The following TERT variants were observed in gnomAD, a reference collection of about 807,000 sequenced individuals.
TERT encodes telomerase catalytic subunit.
In TERT, 42 loss-of-function variants were observed where a neutral mutation model predicts 104.0. The observed-to-expected ratio is 0.40, with a 90% confidence interval of 0.32 to 0.52. The LOEUF is 0.52. Ranked by LOEUF, TERT falls within the 20% of genes least tolerant of loss-of-function variation. The pLI is 0.43. For missense variants in TERT, 1,101 were observed against 1,610.3 expected, an observed-to-expected ratio of 0.68 and a Z score of 5.41; for synonymous variants, 781 against 725.6, an observed-to-expected ratio of 1.08 and a Z score of -1.23.
rs1159166262 is a variant in TERT, at chr5:1,292,718, G to A, written c.1573+595C>T. Among the ~76,000 whole-genome samples the A allele has an allele frequency of 6.6e-6, 1 of 152,130 alleles. No individual in the cohort carries two copies. The highest frequency in any genetic ancestry group is 2.4e-5 in the African/African-American group (1 of 41,432). ...AGTACAGATAGGGTTTCACCATGTT[G>A]GTCAGGCTGGTCTCAAACTCCTGAC... On this transcript the variant is annotated intron_variant, in intron 2 of 15. Transcript: ENST00000310581. The surrounding 1 kb of genome is among the most constrained non-coding windows in gnomAD (Gnocchi z 5.5).
intron 7 of TERT, among the ~76,000 whole-genome samples, 200 bp from the exon 8 acceptor site, chr5:1,271,404 C>T (rs1293907191): frequency 6.6e-6 from 1 of 152,230 alleles, no homozygotes; most frequent in Non-Finnish European, 1.5e-5. Context: ...GTGTGTGACA[C>T]AGAATGTCTC....
intron 7 of TERT, 104 bp downstream of exon 7, chr5:1,272,081 G>T: frequency 1.0e-6 from 1 of 993,334 alleles, no homozygotes; most frequent in Non-Finnish European, 1.6e-6. Flanking sequence ...TCCCCCCACT[G>T]CCCCCCAGGG....
rs996408914 is a variant in TERT at position 1,268,488 on chromosome 5, C to T, written c.2582+32G>A. ...TGCATCAAAAGCAAATCAACCCCCA[C>T]CCAAGCCCCCCTGGGGAAGAGGAGG... On this transcript the variant is annotated intron_variant, in intron 9 of 15. Transcript: ENST00000310581. The surrounding 1 kb of genome is among the most constrained non-coding windows in gnomAD (Gnocchi z 5.5). 1 of 1,574,848 alleles carries T rather than the reference C, an allele frequency of 6.3e-7. No individual in the cohort carries two copies. Among genetic ancestry groups the T allele is most frequent in the African/African-American group, 1.3e-5 (1 of 74,180 alleles).
Position 1,272,193 on chromosome 5 carries a change from T to C in TERT, c.2374A>G (p.Ile792Val), listed in dbSNP as rs1289861532. 2 of 1,611,598 alleles carry C rather than the reference T, an allele frequency of 1.2e-6. No homozygotes were observed. Among genetic ancestry groups the C allele is most frequent in the Admixed American group, 3.3e-5 (2 of 59,908 alleles). ...CAGGGCAGTGCCCAGACCTGCTCGA[T>C]GACGACGGCATCCCTCAGCGGGCTG... ...ETSPLRDAVVIEQSSSLNEAS... is the reference protein window; with the variant it reads ...ETSPLRDAVVVEQSSSLNEAS... The change falls in exon 7 of 16, where the codon ATC becomes GTC. Residue 792 changes from isoleucine (I) to valine (V), a missense_variant. Physicochemically the swap from Ile to Val is conservative, Grantham distance 29 (BLOSUM62 3). Transcript: ENST00000310581.
At position 1,286,452 on chromosome 5, in the gene TERT, T is replaced by C. The variant is rs1750494169; in HGVS notation, c.1574-3828A>G. On this transcript the variant is annotated intron_variant, in intron 2 of 15. Coordinates refer to ENST00000310581, the MANE Select transcript of TERT (RefSeq NM_198253.3). The surrounding 1 kb of genome is among the most constrained non-coding windows in gnomAD (Gnocchi z 5.3). ...ATTAATAATGCTTAGCTTGTGGGGG[T>C]GTCAAGATGCCTGAGATAGAACTAA... Among the ~76,000 whole-genome samples, 1 of 151,908 alleles carries C rather than the reference T, an allele frequency of 6.6e-6. No homozygotes were observed. The highest frequency in any genetic ancestry group is 6.6e-5 in the Admixed American group (1 of 15,238).
At chr5:1,279,137 A>G (rs1162531423) in intron 5 of TERT, among the ~76,000 whole-genome samples, 154 bp downstream of exon 5, 1 of 152,128 alleles carries the variant, frequency 6.6e-6, no homozygotes, top group East Asian at 1.9e-4. Flanking sequence ...GAAGGCCTCC[A>G]CCCTAGGTGC....
At chr5:1,289,335 C>T (rs866307680) in intron 2 of TERT, among the ~76,000 whole-genome samples, 2 of 145,508 alleles carry the variant, frequency 1.4e-5, no homozygotes, top group South Asian at 2.2e-4. Flanking sequence ...CACCCGGGGA[C>T]AGTGCCTCAC....
chr5:1,291,118 C>A (rs372094041), intron 2 of TERT, among the ~76,000 whole-genome samples: 2 of 139,066 alleles, frequency 1.4e-5, no homozygotes, highest in East Asian at 2.2e-4. Context: ...ACTCACCCTG[C>A]ACGTGACAGG....
chr5:1,256,847 T>C lies in TERT; in HGVS notation c.3033-1436A>G, dbSNP rs1386163843. ...TCCAAAGGGAGAAATAGCCACCTGC[T>C]AGAGGTCGGGGCGTCCACCCCAAGC... On this transcript the variant is annotated intron_variant, in intron 13 of 15. Transcript: ENST00000310581. This position sits in a 1 kb window ranked among gnomAD's most constrained non-coding sequence, Gnocchi z 7.0. Among the ~76,000 whole-genome samples, 1 of 152,176 alleles carries C rather than the reference T, an allele frequency of 6.6e-6. No individual in the cohort carries two copies. Among genetic ancestry groups the C allele is most frequent in the Non-Finnish European group, 1.5e-5 (1 of 68,030 alleles).
rs770887619 is a variant in TERT at position 1,253,779 on chromosome 5, C to T, written c.3348G>A (p.Glu1116=). Residue 1116 remains glutamate, a synonymous_variant, in exon 16 of 16, where the codon GAG becomes GAA. Transcript: ENST00000310581. ...AGGGCAGTGCCGGGTTGGCTGCGGC[C>T]TCCAGGGCAGTCAGCGTCGTCCCCG... ...KLPGTTLTAL[E]AAANPALPSD... 1.2e-6 allele frequency: 2 copies of T among 1,612,344 alleles called. No individual in the cohort carries two copies. The highest frequency in any genetic ancestry group is 2.2e-5 in the South Asian group (2 of 90,742).
chr5:1,253,468 GGAGCC>G lies in TERT; in HGVS notation c.*255_*259del, dbSNP rs1747473748. ...GGTGAGGAAAAGCTGGCCCTGGGGT[GGAGCC>G]GAGCGCCAGCCTGTGGGGAAGTGAA... On this transcript the variant is annotated 3_prime_UTR_variant, in exon 16 of 16. Transcript: ENST00000310581. 3 of 578,260 alleles carry G rather than the reference GGAGCC, an allele frequency of 5.2e-6. No homozygotes were observed. Among genetic ancestry groups the G allele is most frequent in the African/African-American group, 3.7e-5 (2 of 53,490 alleles). The allele number at this position is 578,260 out of a possible 1,614,324, so 35.8% of individuals were successfully genotyped here. A position where few individuals can be genotyped will look rare whatever the true frequency, so the allele number is the denominator to read the frequency against.
Position 1,294,563 on chromosome 5 carries a change from C to A in TERT, c.323G>T (p.Arg108Leu). Residue 108 changes from arginine to leucine, a missense_variant, in exon 2 of 16, where the codon CGC becomes CTC. Coordinates refer to ENST00000310581, the MANE Select transcript of TERT (RefSeq NM_198253.3). ...GGTGAAGGCCTCGGGGGGGCCCCCGCGGGCCCCGTCCAGCAGCGCGAAGCC... is the reference window on the plus strand; with the variant it reads ...GGTGAAGGCCTCGGGGGGGCCCCCGAGGGCCCCGTCCAGCAGCGCGAAGCC... ...AFGFALLDGA[R>L]GGPPEAFTTS... 6.3e-7 allele frequency: 1 copy of A among 1,582,366 alleles called. No homozygotes were observed. Among genetic ancestry groups the A allele is most frequent in the Non-Finnish European group, 8.5e-7 (1 of 1,172,082 alleles).
At chr5:1,285,159 C>G (rs1318505318) in intron 2 of TERT, among the ~76,000 whole-genome samples, 5 of 122,364 alleles carry the variant, frequency 4.1e-5, no homozygotes, top group Non-Finnish European at 8.9e-5. Context: ...GGACTCCATA[C>G]CTCCAGCTCA....
chr5:1,264,048 T>C (rs112607093), intron 11 of TERT, among the ~76,000 whole-genome samples: 8 of 136,508 alleles, frequency 5.9e-5, no homozygotes, highest in African/African-American at 3.0e-4. Flanking sequence ...GAGGGACTCA[T>C]GCCCAGCAGG....
rs778702039 is a variant in TERT, at chr5:1,294,556, G to A, written c.330C>T (p.Gly110=). 5.1e-6 allele frequency: 8 copies of A among 1,578,926 alleles called. No individual in the cohort carries two copies. In the South Asian group the frequency reaches 6.8e-5, roughly 13 times the overall value. ...GFALLDGARG[G]PPEAFTTSVR... ...CGCTGGTGGTGAAGGCCTCGGGGGG[G>A]CCCCCGCGGGCCCCGTCCAGCAGCG... The change falls in exon 2 of 16, where the codon GGC becomes GGT. Residue 110 remains glycine, a synonymous_variant. Coordinates refer to ENST00000310581, the MANE Select transcript of TERT (RefSeq NM_198253.3).
At chr5:1,258,004 C>T (rs1399402136) in intron 13 of TERT, among the ~76,000 whole-genome samples, 1 of 152,220 alleles carries the variant, frequency 6.6e-6, no homozygotes, top group Non-Finnish European at 1.5e-5. Context: ...CTGTGGCCTC[C>T]ACAGATTGGC....
rs1014140053 is a variant in TERT, at chr5:1,287,304, A to G, written c.1574-4680T>C. Among the ~76,000 whole-genome samples, 1 of 152,140 alleles carries G rather than the reference A, an allele frequency of 6.6e-6. No homozygotes were observed. The highest frequency in any genetic ancestry group is 1.5e-5 in the Non-Finnish European group (1 of 68,038). ...CCCTTGAGTCCAAGAGTTTGAGACCAGCCTGGGCAACACAGCAAGACCCTG... is the reference window on the plus strand; with the variant it reads ...CCCTTGAGTCCAAGAGTTTGAGACCGGCCTGGGCAACACAGCAAGACCCTG... On this transcript the variant is annotated intron_variant, in intron 2 of 15. Coordinates refer to ENST00000310581, the MANE Select transcript of TERT (RefSeq NM_198253.3). This position sits in a 1 kb window ranked among gnomAD's most constrained non-coding sequence, Gnocchi z 4.3.
chr5:1,272,627 G>A (rs62331359), intron 6 of TERT, among the ~76,000 whole-genome samples: 15 of 31,686 alleles, frequency 4.7e-4, no homozygotes, highest in East Asian at 2.2e-3. Flanking sequence ...CCCCACGACC[G>A]CCATCCACAG....
In TERT at chr5:1,274,007, C is replaced by T. The variant is rs922913664; in HGVS notation, c.2287-1727G>A. Reference sequence around the variant, plus strand: ...TCCTATTCTGCAGACTCCCCCAGGACGCTTGTCATTTACTACGGGACCTGC... The same window carrying T: ...TCCTATTCTGCAGACTCCCCCAGGATGCTTGTCATTTACTACGGGACCTGC... On this transcript the variant is annotated intron_variant, in intron 6 of 15. Transcript: ENST00000310581. This position sits in a 1 kb window ranked among gnomAD's most constrained non-coding sequence, Gnocchi z 5.3. Among the ~76,000 whole-genome samples, 9 of 152,352 alleles carry T rather than the reference C, an allele frequency of 5.9e-5. No individual in the cohort carries two copies. The highest frequency in any genetic ancestry group is 2.1e-4 in the South Asian group (1 of 4,832).
Sources: allele counts gnomAD v4.1 joint callset (sites outside exome capture counted in the v4.1 genomes callset), GRCh38; gene constraint gnomAD v4.1.1; non-coding constraint Gnocchi (gnomAD v3.1); transcripts MANE v1.5; gene names NCBI Gene and HGNC (gene_info 2026-07-23, HGNC 2026-07-21).